SIPA1L3: variants seen among roughly 807,000 people sequenced by gnomAD.
SIPA1L3 encodes the protein signal-induced proliferation-associated 1-like protein 3.
Under a neutral mutation model 150.1 loss-of-function variants are expected in SIPA1L3, and 59 were observed. The ratio of observed to expected loss-of-function variants is 0.39; its 90% CI spans 0.32 to 0.49. SIPA1L3 has a LOEUF of 0.49. SIPA1L3 is among the 20% of genes least tolerant of loss of function. The pLI is 0.86. For missense variants in SIPA1L3, 2,211 were observed against 2,489.5 expected (o/e 0.89, Z 2.38); for synonymous variants, 1,070 against 1,077.6 (o/e 0.99, Z 0.14).
intron 12 of SIPA1L3, among the ~76,000 whole-genome samples, chr19:38,150,046 C>T (rs1971783525): frequency 1.3e-5 from 2 of 152,166 alleles, no homozygotes; most frequent in South Asian, 4.1e-4. Flanking sequence ...AGGCAGCTAG[C>T]CAGGTGTGAA....
chr19:38,083,974 C>CA (rs1253513966), intron 3 of SIPA1L3, among the ~76,000 whole-genome samples: 4 of 135,244 alleles, frequency 3.0e-5, no homozygotes, highest in Admixed American at 2.5e-4. Context: ...GCCTGGGTGA[C>CA]AGAGTGAGAC....
At position 38,154,552 on chromosome 19, in the gene SIPA1L3, A is replaced by G. The variant is rs140421035; in HGVS notation, c.3661+1585A>G. 8.0e-4 allele frequency among the ~76,000 whole-genome samples: 122 copies of G among 152,192 alleles called. 1 individual carries two copies. Among genetic ancestry groups the G allele is most frequent in the African/African-American group, 2.7e-3 (112 of 41,514 alleles). On this transcript the variant is annotated intron_variant, in intron 13 of 21. Coordinates refer to ENST00000222345, the MANE Select transcript of SIPA1L3 (RefSeq NM_015073.3). ...AACCTCCAACTCCTGGGTTCAAACA[A>G]TTCTCCTGCTTCAGCCTCTCAAGTA...
intron 10 of SIPA1L3, among the ~76,000 whole-genome samples, chr19:38,134,129 A>G (rs1025975199): frequency 3.3e-5 from 5 of 151,746 alleles, no homozygotes; most frequent in Admixed American, 6.6e-5. Flanking sequence ...GACTACAGGC[A>G]TGCACCACCA....
intron 18 of SIPA1L3, among the ~76,000 whole-genome samples, chr19:38,197,538 A>C (rs935553061): frequency 1.3e-5 from 2 of 151,700 alleles, no homozygotes; most frequent in African/African-American, 4.8e-5. Context: ...TTCCAATCAC[A>C]GGTGCAGCTG....
intron 4 of SIPA1L3, among the ~76,000 whole-genome samples, chr19:38,098,941 G>GTGTCT (rs905160106): frequency 6.6e-6 from 1 of 152,284 alleles, no homozygotes; most frequent in Admixed American, 6.5e-5. Context: ...ATCACTGGTG[G>GTGTCT]TGTCTTGTCT....
intron 2 of SIPA1L3, among the ~76,000 whole-genome samples, chr19:38,078,539 C>T (rs112644519): frequency 4.2e-4 from 61 of 144,614 alleles, no homozygotes; most frequent in Admixed American, 1.2e-3. Flanking sequence ...CACACAGACA[C>T]GCACACACAC....
At chr19:38,140,222 C>T (rs1971542797) in intron 10 of SIPA1L3, among the ~76,000 whole-genome samples, 1 of 152,212 alleles carries the variant, frequency 6.6e-6, no homozygotes, top group Non-Finnish European at 1.5e-5. Flanking sequence ...AGGTGGATTT[C>T]ATGAGCATGG....
At chr19:38,176,978 A>G (rs1186650779) in intron 15 of SIPA1L3, among the ~76,000 whole-genome samples, 1 of 141,044 alleles carries the variant, frequency 7.1e-6, no homozygotes, top group African/African-American at 2.5e-5. Context: ...TCTCAAAAAA[A>G]CAAACAAACA....
chr19:38,118,812 G>A (rs1281759664), intron 8 of SIPA1L3, among the ~76,000 whole-genome samples: 5 of 152,132 alleles, frequency 3.3e-5, no homozygotes, highest in Non-Finnish European at 5.9e-5. Flanking sequence ...GGGATTACAG[G>A]TATGAGCCAC....
At chr19:38,002,357 T>C (rs1967825477) in intron 1 of SIPA1L3, among the ~76,000 whole-genome samples, 1 of 152,196 alleles carries the variant, frequency 6.6e-6, no homozygotes, top group African/African-American at 2.4e-5. Flanking sequence ...TCATTCATGT[T>C]GTATATATCA....
chr19:37,924,308 G>A (rs2046482238), intron 1 of SIPA1L3, among the ~76,000 whole-genome samples: 1 of 151,966 alleles, frequency 6.6e-6, no homozygotes, highest in South Asian at 2.1e-4. Context: ...TTGTCCCACT[G>A]GAAGGTCTTC....
At chr19:38,173,457 C>T (rs4803829) in intron 15 of SIPA1L3, among the ~76,000 whole-genome samples, 21,093 of 152,350 alleles carry the variant, frequency 0.14, 1,526 homozygotes, top group African/African-American at 0.18. Flanking sequence ...GGGCAGCCAC[C>T]TGGCCCTCGC....
chr19:38,039,181 C>T (rs563778948), intron 2 of SIPA1L3, among the ~76,000 whole-genome samples: 1 of 152,178 alleles, frequency 6.6e-6, no homozygotes, highest in Non-Finnish European at 1.5e-5. Flanking sequence ...CCTTGCCTAG[C>T]CTGCATTTCT....
intron 13 of SIPA1L3, among the ~76,000 whole-genome samples, chr19:38,153,340 G>T (rs1474180893): frequency 6.6e-6 from 1 of 152,176 alleles, no homozygotes; most frequent in Non-Finnish European, 1.5e-5. Flanking sequence ...ACCCTCCTGT[G>T]TTGTTTTCAA....
At chr19:38,115,189 G>C (rs900883831) in intron 8 of SIPA1L3, among the ~76,000 whole-genome samples, 1 of 152,208 alleles carries the variant, frequency 6.6e-6, no homozygotes, top group African/African-American at 2.4e-5. Flanking sequence ...GAGAGCTGTG[G>C]CCCTGGGAGA....
chr19:38,101,354 A>G, intron 6 of SIPA1L3, 128 bp downstream of exon 6: 2 of 594,868 alleles, frequency 3.4e-6, no homozygotes, highest in Non-Finnish European at 5.6e-6. Flanking sequence ...CTTCACTTGT[A>G]GGAGCACAAA....
chr19:37,934,643 G>A (rs1481661640), intron 1 of SIPA1L3, among the ~76,000 whole-genome samples: 1 of 151,966 alleles, frequency 6.6e-6, no homozygotes, highest in Admixed American at 6.6e-5. Context: ...AATATTTTCG[G>A]TCTGTCCTTT....
intron 7 of SIPA1L3, among the ~76,000 whole-genome samples, 177 bp downstream of exon 7, chr19:38,106,817 C>G (rs1019608106): frequency 6.6e-6 from 1 of 152,216 alleles, no homozygotes; most frequent in African/African-American, 2.4e-5. Flanking sequence ...CGAGATGTCA[C>G]TTTGGCCCCA....
At position 38,152,892 on chromosome 19, in the gene SIPA1L3, G is replaced by C; in HGVS notation, c.3586G>C (p.Asp1196His). The C allele has an allele frequency of 6.2e-7, 1 of 1,613,720 alleles. No homozygotes were observed. Among genetic ancestry groups the C allele is most frequent in the Non-Finnish European group, 8.5e-7 (1 of 1,179,844 alleles). ...LLSLDPHFSH[D>H]GTSSGDSSSG... ...ATCTCTTGATCCCCACTTCAGCCAC[G>C]ATGGGACGTCCAGCGGCGACTCCTC... Residue 1196 changes from aspartate (D) to histidine (H), a missense_variant, in exon 13 of 22, where the codon GAT (aspartate) becomes CAT (histidine). Around this residue, in one of 5 missense-constraint regions of SIPA1L3, gnomAD observed 806 missense variants for 870.1 expected, o/e 0.93. Transcript: ENST00000222345.
Sources: allele counts gnomAD v4.1 joint callset (sites outside exome capture counted in the v4.1 genomes callset), GRCh38; gene constraint gnomAD v4.1.1; regional missense constraint gnomAD v4.1.1; transcripts MANE v1.5; gene names NCBI Gene and HGNC (gene_info 2026-07-23, HGNC 2026-07-21).